The following PIK3R2 variants were observed in gnomAD, a reference collection of about 807,000 sequenced individuals.
PIK3R2 encodes phosphatidylinositol 3-kinase regulatory subunit beta.
In PIK3R2, 40 loss-of-function variants were observed where a neutral mutation model predicts 78.5. The ratio of observed to expected loss-of-function variants is 0.51; its 90% CI spans 0.40 to 0.66. The LOEUF is 0.66. Ranked by LOEUF, PIK3R2 falls within the 30% of genes least tolerant of loss-of-function variation. The probability of loss-of-function intolerance (pLI) is 0.00; values close to 1 mark genes in which losing one functional copy is unlikely to be tolerated. For missense variants in PIK3R2, 880 were observed against 1,026.6 expected, an observed-to-expected ratio of 0.86 and a Z score of 1.95; for synonymous variants, 473 against 457.7, an observed-to-expected ratio of 1.03 and a Z score of -0.43.
Position 18,168,828 on chromosome 19 carries a change from T to C in PIK3R2, c.1911T>C (p.Ser637=), listed in dbSNP as rs273269. 0.88 allele frequency: 1,426,759 copies of C among 1,613,454 alleles called. 631,548 individuals are homozygous for C. Among genetic ancestry groups the C allele is most frequent in the East Asian group, 0.94 (42,006 of 44,838 alleles). ...INRTQAEEML[S]GKRDGTFLIR... ...GCACGCAGGCAGAGGAGATGCTGAGTGGCAAGCGGGATGGCACCTTCCTCA... is the reference window on the plus strand; with the variant it reads ...GCACGCAGGCAGAGGAGATGCTGAGCGGCAAGCGGGATGGCACCTTCCTCA... Residue 637 remains serine, a synonymous_variant, in exon 15 of 16, where the codon AGT becomes AGC. Coordinates refer to ENST00000222254, the MANE Select transcript of PIK3R2 (RefSeq NM_005027.4). The surrounding 1 kb of genome is among the most constrained non-coding windows in gnomAD (Gnocchi z 4.1).
At position 18,162,950 on chromosome 19, in the gene PIK3R2, C is replaced by T; in HGVS notation, c.1110-17C>T. 8 of 1,610,338 alleles carry T rather than the reference C, an allele frequency of 5.0e-6. No individual in the cohort carries two copies. The highest frequency in any genetic ancestry group is 6.8e-6 in the Non-Finnish European group (8 of 1,177,514). On this transcript the variant is annotated splice_polypyrimidine_tract_variant and intron_variant, in intron 9 of 15. Transcript: ENST00000222254. ...TGCGGGGTCCCACTGGGTGCCGACA[C>T]CCCTCTCCTCCCCCAGGAAAGGCGG...
intron 1 of PIK3R2, among the ~76,000 whole-genome samples, chr19:18,153,899 G>A (rs1401795324): frequency 6.6e-6 from 1 of 152,180 alleles, no homozygotes; most frequent in Non-Finnish European, 1.5e-5. Flanking sequence ...CCCACCTGTA[G>A]AATGAGGGTA....
chr19:18,169,513 C>T lies in PIK3R2; in HGVS notation c.*219C>T, dbSNP rs1221265418. The T allele has an allele frequency of 5.9e-6, 2 of 341,150 alleles. No homozygotes were observed. Among genetic ancestry groups the T allele is most frequent in the East Asian group, 4.4e-5 (1 of 22,518 alleles). The allele number at this position is 341,150 out of a possible 1,614,324, so 21.1% of individuals were successfully genotyped here. On this transcript the variant is annotated 3_prime_UTR_variant, in exon 16 of 16. Coordinates refer to ENST00000222254, the MANE Select transcript of PIK3R2 (RefSeq NM_005027.4). ...TTTCTCTGTCTTTCTTGGCCCCTGT[C>T]TCTCTCCATGTTGGGGGTCCTAACT... is the stretch of plus-strand genomic sequence containing the variant.
chr19:18,165,522 G>A (rs2147955885), intron 11 of PIK3R2, among the ~76,000 whole-genome samples: 2 of 152,248 alleles, frequency 1.3e-5, no homozygotes, highest in East Asian at 3.9e-4. Flanking sequence ...ACAAGAGCAA[G>A]ACTCCATCTC....
At position 18,162,019 on chromosome 19, in the gene PIK3R2, A is replaced by C. The variant is rs2043753874; in HGVS notation, c.869A>C (p.Glu290Ala). 6.2e-7 allele frequency: 1 copy of C among 1,613,826 alleles called. No homozygotes were observed. Among genetic ancestry groups the C allele is most frequent in the South Asian group, 1.1e-5 (1 of 91,084 alleles). Residue 290 changes from glutamate to alanine, a missense_variant, in exon 7 of 16, where the codon GAA (glutamate) becomes GCA (alanine). Transcript: ENST00000222254. ...PALLVEKLLQ[E>A]HLEEQEVAPP... ...CTGCTGGTGGAGAAGCTGCTTCAGG[A>C]ACACTTGGAAGAGCAGGAGGTTGCG...
At chr19:18,164,051 G>A (rs1451446096) in intron 11 of PIK3R2, among the ~76,000 whole-genome samples, 1 of 151,854 alleles carries the variant, frequency 6.6e-6, no homozygotes, top group African/African-American at 2.4e-5. Flanking sequence ...GCTTGAGCCT[G>A]GGAGGCAGAG....
At position 18,169,245 on chromosome 19, in the gene PIK3R2, C is replaced by T. The variant is rs763521018; in HGVS notation, c.2138C>T (p.Ala713Val). Residue 713 changes from alanine (A) to valine (V), a missense_variant, in exon 16 of 16, where the codon GCG (alanine) becomes GTG (valine). By Grantham distance (64) the Ala-to-Val change is moderately conservative (BLOSUM62 0). Around this residue, in one of 3 missense-constraint regions of PIK3R2, gnomAD observed 268 missense variants for 299.1 expected, o/e 0.90. Transcript: ENST00000222254. ...AACGACGCGCTCACCGTCACCCTGGCGCACCCAGTGCGCGCCCCGGGCCCC... is the reference window on the plus strand; with the variant it reads ...AACGACGCGCTCACCGTCACCCTGGTGCACCCAGTGCGCGCCCCGGGCCCC... ...QHNDALTVTLAHPVRAPGPGP... is the reference protein window; with the variant it reads ...QHNDALTVTLVHPVRAPGPGP... 4.4e-6 allele frequency: 7 copies of T among 1,583,090 alleles called. No homozygotes were observed. The highest frequency in any genetic ancestry group is 5.1e-6 in the Non-Finnish European group (6 of 1,172,140).
In PIK3R2 at chr19:18,161,915, G is replaced by A. The variant is rs751449933; in HGVS notation, c.816-51G>A. Reference sequence around the variant, plus strand: ...CGCACGCACAATCCTGTGCACATGCGTGGGCGGACAGGCCCTACCCAGCCC... The same window carrying A: ...CGCACGCACAATCCTGTGCACATGCATGGGCGGACAGGCCCTACCCAGCCC... On this transcript the variant is annotated intron_variant, in intron 6 of 15. Transcript: ENST00000222254. The surrounding 1 kb of genome is among the most constrained non-coding windows in gnomAD (Gnocchi z 5.3). The A allele has an allele frequency of 9.5e-6, 14 of 1,469,878 alleles. No homozygotes were observed. In the African/African-American group the frequency reaches 1.4e-4, roughly 15 times the overall value. The allele number at this position is 1,469,878 out of a possible 1,614,324, so 91.1% of individuals were successfully genotyped here.
At chr19:18,154,005 G>A (rs1282111663) in intron 1 of PIK3R2, among the ~76,000 whole-genome samples, 3 of 152,170 alleles carry the variant, frequency 2.0e-5, no homozygotes, top group Non-Finnish European at 4.4e-5. Flanking sequence ...ACTGAAGGAT[G>A]CTCAGAGCCT....
chr19:18,153,487 G>A (rs2043641092), intron 1 of PIK3R2, among the ~76,000 whole-genome samples, 193 bp downstream of exon 1: 1 of 152,230 alleles, frequency 6.6e-6, no homozygotes, highest in Non-Finnish European at 1.5e-5. Context: ...GCCTCCTTGG[G>A]ACGGTCGGGG....
chr19:18,169,079 C>T lies in PIK3R2; in HGVS notation c.1980-8C>T. 17 of 1,608,628 alleles carry T rather than the reference C, an allele frequency of 1.1e-5. No individual in the cohort carries two copies. Among genetic ancestry groups the T allele is most frequent in the Non-Finnish European group, 1.4e-5 (16 of 1,178,274 alleles). ...CCTTCCGACTCCCCCTCTCGTCTGC[C>T]CCCACAGAGTGGACGGCGACACCAA... is the stretch of plus-strand genomic sequence containing the variant. On this transcript the variant is annotated splice_polypyrimidine_tract_variant and splice_region_variant and intron_variant, in intron 15 of 15. Transcript: ENST00000222254.
In PIK3R2 at chr19:18,163,048, C is replaced by T. The variant is rs201146203; in HGVS notation, c.1191C>T (p.Ser397=). The change falls in exon 10 of 16, where the codon TCC becomes TCT. Residue 397 remains serine (S), a synonymous_variant. Coordinates refer to ENST00000222254, the MANE Select transcript of PIK3R2 (RefSeq NM_005027.4). ...YGFSEPLTFC[S]VVDLINHYRH... ...TCTCAGAGCCACTCACCTTCTGCTC[C>T]GTTGTGGACCTCATCAATCACTACC... is the stretch of plus-strand genomic sequence containing the variant. The T allele has an allele frequency of 1.6e-4, 252 of 1,613,766 alleles. No individual in the cohort carries two copies. Among genetic ancestry groups the T allele is most frequent in the Admixed American group, 1.7e-4 (10 of 59,976 alleles).
rs2147960455 is a variant in PIK3R2 at position 18,169,111 on chromosome 19, C to T, written c.2004C>T (p.Cys668=). Residue 668 remains cysteine (C), a synonymous_variant, in exon 16 of 16, where the codon TGC becomes TGT. Transcript: ENST00000222254. ...SVVVDGDTKH[C]VIYRTATGFG... ...GAGTGGACGGCGACACCAAGCACTG[C>T]GTCATCTACCGCACGGCCACCGGCT... The T allele has an allele frequency of 4.3e-6, 7 of 1,611,522 alleles. No homozygotes were observed. The highest frequency in any genetic ancestry group is 2.2e-5 in the South Asian group (2 of 91,062).
chr19:18,162,635 G>T, intron 9 of PIK3R2, 129 bp downstream of exon 9: 1 of 773,698 alleles, frequency 1.3e-6, no homozygotes, highest in Non-Finnish European at 2.1e-6. Context: ...TGTAATCCCA[G>T]CACTTTGGGA....
rs1490029891 is a variant in PIK3R2, at chr19:18,161,768, G to A, written c.816-198G>A. 6.6e-6 allele frequency among the ~76,000 whole-genome samples: 1 copy of A among 152,204 alleles called. No homozygotes were observed. The highest frequency in any genetic ancestry group is 2.4e-5 in the African/African-American group (1 of 41,456). ...GTACTGGTCTCTCGCTCGCCTTTGTGTGAGAATCTATGGAGCACTTACTGC... is the reference window on the plus strand; with the variant it reads ...GTACTGGTCTCTCGCTCGCCTTTGTATGAGAATCTATGGAGCACTTACTGC... On this transcript the variant is annotated intron_variant, in intron 6 of 15. Coordinates refer to ENST00000222254, the MANE Select transcript of PIK3R2 (RefSeq NM_005027.4). This position sits in a 1 kb window ranked among gnomAD's most constrained non-coding sequence, Gnocchi z 5.3.
intron 1 of PIK3R2, 41 bp from the exon 2 acceptor site, chr19:18,155,416 G>T (rs2043666473): frequency 2.6e-6 from 1 of 388,888 alleles, no homozygotes; most frequent in East Asian, 3.7e-5. Context: ...GGGGTGAGAG[G>T]AGTTGGCCTG....
rs948209108 is a variant in PIK3R2, at chr19:18,162,963, C to A, written c.1110-4C>A. ...TGGGTGCCGACACCCCTCTCCTCCC[C>A]CAGGAAAGGCGGGAACAATAAGCTG... On this transcript the variant is annotated splice_region_variant and splice_polypyrimidine_tract_variant and intron_variant, in intron 9 of 15. Transcript: ENST00000222254. The A allele has an allele frequency of 6.2e-7, 1 of 1,612,508 alleles. No homozygotes were observed. The highest frequency in any genetic ancestry group is 8.5e-7 in the Non-Finnish European group (1 of 1,178,972).
At chr19:18,154,092 C>T (rs1051262638) in intron 1 of PIK3R2, among the ~76,000 whole-genome samples, 1 of 152,154 alleles carries the variant, frequency 6.6e-6, no homozygotes, top group African/African-American at 2.4e-5. Context: ...GCAACTTAAC[C>T]CACTGCCAAG....
Position 18,155,863 on chromosome 19 carries a change from A to AC in PIK3R2, c.-13dup. The AC allele has an allele frequency of 1.3e-6, 2 of 1,531,790 alleles. No individual in the cohort carries two copies. Among genetic ancestry groups the AC allele is most frequent in the Non-Finnish European group, 1.8e-6 (2 of 1,137,824 alleles). The allele number at this position is 1,531,790 out of a possible 1,614,324, so 94.9% of individuals were successfully genotyped here. The stretch of plus-strand genomic sequence containing the variant: ...GCAGCCACCTAACCATCCAGACCCC[A>AC]CCCCACTCACGCGGCCATGGCGGGC... On this transcript the variant is annotated 5_prime_UTR_variant, in exon 2 of 16. Transcript: ENST00000222254.
Sources: gnomAD v4.1 joint callset for allele counts (sites outside exome capture counted in the v4.1 genomes callset) on GRCh38, gnomAD v4.1.1 for gene constraint, gnomAD v4.1.1 regional missense constraint, Gnocchi (gnomAD v3.1) non-coding constraint, MANE v1.5 for transcripts, NCBI Gene and HGNC (gene_info 2026-07-23, HGNC 2026-07-21) for gene names.